Variants in CENPE observed in about 807,000 individuals in gnomAD.
CENPE encodes the protein centromere protein E.
Under a neutral mutation model 336.1 loss-of-function variants are expected in CENPE, and 145 were observed. That is an observed-to-expected ratio of 0.43 (90% CI 0.38 to 0.50). CENPE has a LOEUF of 0.50. Ranked by LOEUF, CENPE falls within the 20% of genes least tolerant of loss-of-function variation. The pLI is 0.00. For synonymous variants in CENPE, 1,013 were observed against 984.8 expected (o/e 1.03, Z -0.54); for missense variants, 2,719 against 3,023.3 (o/e 0.90, Z 2.36).
intron 5 of CENPE, 69 bp downstream of exon 5, chr4:103,195,045 G>T (rs761402460): frequency 7.3e-7 from 1 of 1,361,246 alleles, no homozygotes; most frequent in Non-Finnish European, 9.8e-7. Context: ...GAAATTAAAG[G>T]TAAACATTCA....
rs1754404762 is a variant in CENPE, at chr4:103,161,117, G to A, written c.2100C>T (p.Leu700=). Residue 700 remains leucine, a synonymous_variant, in exon 20 of 49, where the codon CTC becomes CTT. Transcript: ENST00000265148. ...GAACTTTGCCATCTATAAGGGAGGT[G>A]AGTTTTGTTATCTCATTAAAAGCAG... The part of the protein sequence containing the change: ...LQSAFNEITK[L]TSLIDGKVPK... 2.5e-6 allele frequency: 4 copies of A among 1,604,040 alleles called. No individual in the cohort carries two copies. Among genetic ancestry groups the A allele is most frequent in the African/African-American group, 1.3e-5 (1 of 74,390 alleles).
chr4:103,167,625 G>T (rs1755034689), intron 16 of CENPE, among the ~76,000 whole-genome samples: 1 of 152,186 alleles, frequency 6.6e-6, no homozygotes, highest in East Asian at 1.9e-4. Context: ...TTACAGACAA[G>T]TCTTTTTGTG....
intron 16 of CENPE, among the ~76,000 whole-genome samples, chr4:103,164,611 T>C (rs2125984357): frequency 6.6e-6 from 1 of 152,278 alleles, no homozygotes; most frequent in Non-Finnish European, 1.5e-5. Context: ...TTATTCAACC[T>C]AATATATCAA....
chr4:103,158,500 A>C, intron 23 of CENPE, 42 bp from the exon 24 acceptor site: 2 of 1,512,458 alleles, frequency 1.3e-6, no homozygotes, highest in Admixed American at 2.2e-5. Flanking sequence ...TTAGAATATG[A>C]AACAAAATTA....
chr4:103,159,189 T>C lies in CENPE; in HGVS notation c.2422A>G (p.Thr808Ala), dbSNP rs137915141. The change falls in exon 22 of 49, where the codon ACA becomes GCA. Residue 808 changes from threonine (T) to alanine (A), a missense_variant. By Grantham distance (58) the Thr-to-Ala change is moderately conservative (BLOSUM62 0). Transcript: ENST00000265148. ...TCAGTGCTTTTATAATTCGACTGTG[T>C]AGTTGCTAGGTCATCTTTTGTTTTC... The part of the protein sequence containing the change: ...IGKTKDDLAT[T>A]QSNYKSTDQE... 128 of 1,612,984 alleles carry C rather than the reference T, an allele frequency of 7.9e-5. No individual in the cohort carries two copies. In the African/African-American group the frequency reaches 1.5e-3, roughly 19 times the overall value.
In CENPE at chr4:103,174,611, A is replaced by G. The variant is rs143017059; in HGVS notation, c.1647+125T>C. The stretch of plus-strand genomic sequence containing the variant: ...AAACATCATACATCATGTTGTATAC[A>G]ATAAACACATAAAATGTTATCTGTA... On this transcript the variant is annotated intron_variant, in intron 16 of 48. Coordinates refer to ENST00000265148, the MANE Select transcript of CENPE (RefSeq NM_001813.3). The G allele has an allele frequency of 7.7e-4, 490 of 638,612 alleles. 3 individuals are homozygous for G. In the African/African-American group the frequency reaches 9.0e-3, roughly 12 times the overall value. The allele number at this position is 638,612 out of a possible 1,614,324, so 39.6% of individuals were successfully genotyped here.
At chr4:103,182,095 T>C (rs1385971162) in intron 11 of CENPE, 1 of 152,386 alleles carries the variant, frequency 6.6e-6, no homozygotes, top group Non-Finnish European at 1.5e-5. Flanking sequence ...TTTTTTTTTT[T>C]TGTTTTTTGT....
Position 103,174,869 on chromosome 4 carries a change from G to T in CENPE, c.1514C>A (p.Ala505Asp). The T allele has an allele frequency of 6.7e-7, 1 of 1,501,102 alleles. No individual in the cohort carries two copies. The highest frequency in any genetic ancestry group is 2.6e-5 in the East Asian group (1 of 38,512). The allele number at this position is 1,501,102 out of a possible 1,614,324, so 93.0% of individuals were successfully genotyped here. Residue 505 changes from alanine to aspartate, a missense_variant, in exon 16 of 49, where the codon GCT (alanine) becomes GAT (aspartate). Coordinates refer to ENST00000265148, the MANE Select transcript of CENPE (RefSeq NM_001813.3). ...GTCTAATACCAGATTATCATAGTCAGCACGAAGTGAGTTCAACTCACTTTC... is the reference window on the plus strand; with the variant it reads ...GTCTAATACCAGATTATCATAGTCATCACGAAGTGAGTTCAACTCACTTTC... ...NIESELNSLR[A>D]DYDNLVLDYE... is the part of the protein sequence containing the mutation.
intron 8 of CENPE, among the ~76,000 whole-genome samples, chr4:103,188,335 A>G (rs536331190): frequency 6.6e-6 from 1 of 152,234 alleles, no homozygotes; most frequent in Non-Finnish European, 1.5e-5. Flanking sequence ...AAATCAACAG[A>G]ATATACATTC....
chr4:103,125,866 CAAAAAAA>C (rs1314621341), intron 42 of CENPE, among the ~76,000 whole-genome samples: 45 of 48,046 alleles, frequency 9.4e-4, no homozygotes, highest in African/African-American at 3.2e-3. Context: ...GACTCCATCT[CAAAAAAA>C]AAAAAAAAAA....
At chr4:103,148,078 T>C (rs1753217351) in intron 28 of CENPE, among the ~76,000 whole-genome samples, 1 of 152,222 alleles carries the variant, frequency 6.6e-6, no homozygotes, top group Admixed American at 6.5e-5. Context: ...AGGCCTACCT[T>C]GGATCACAAA....
intron 12 of CENPE, 33 bp downstream of exon 12, chr4:103,181,302 CTT>C: frequency 7.1e-7 from 1 of 1,417,366 alleles, no homozygotes; most frequent in Non-Finnish European, 9.5e-7. Context: ...TAAATTGGTT[CTT>C]TCAATTTAAT....
intron 47 of CENPE, among the ~76,000 whole-genome samples, chr4:103,110,594 T>C (rs1377731073): frequency 6.6e-6 from 1 of 152,176 alleles, no homozygotes; most frequent in Non-Finnish European, 1.5e-5. Flanking sequence ...TCTTTGTTTC[T>C]TTCCTATTTC....
At chr4:103,116,039 C>T (rs2125851826) in intron 45 of CENPE, among the ~76,000 whole-genome samples, 1 of 152,232 alleles carries the variant, frequency 6.6e-6, no homozygotes, top group East Asian at 1.9e-4. Flanking sequence ...CCTTGACTCT[C>T]TTTAATGTTC....
At position 103,140,840 on chromosome 4, in the gene CENPE, C is replaced by G. The variant is rs1752493602; in HGVS notation, c.5728G>C (p.Glu1910Gln). 6.3e-7 allele frequency: 1 copy of G among 1,594,424 alleles called. No individual in the cohort carries two copies. The highest frequency in any genetic ancestry group is 1.2e-5 in the South Asian group (1 of 86,954). ...CTAGCTTTGGTTTCTTGCAGGCTTTCCTTGAGTTGGTCTCTCTCCAGTTTG... is the reference window on the plus strand; with the variant it reads ...CTAGCTTTGGTTTCTTGCAGGCTTTGCTTGAGTTGGTCTCTCTCCAGTTTG... ...TLKLERDQLK[E>Q]SLQETKARDL... Residue 1910 changes from glutamate to glutamine, a missense_variant, in exon 36 of 49, where the codon GAA becomes CAA. By Grantham distance (29) the Glu-to-Gln change is conservative. Coordinates refer to ENST00000265148, the MANE Select transcript of CENPE (RefSeq NM_001813.3).
chr4:103,154,280 T>C (rs2125953257), intron 24 of CENPE, among the ~76,000 whole-genome samples: 1 of 152,102 alleles, frequency 6.6e-6, no homozygotes, highest in Admixed American at 6.5e-5. Context: ...GTTTTTTCCA[T>C]TAAAGGTTTT....
At chr4:103,188,795 A>C (rs1263403000) in intron 8 of CENPE, among the ~76,000 whole-genome samples, 1 of 152,220 alleles carries the variant, frequency 6.6e-6, no homozygotes, top group Non-Finnish European at 1.5e-5. Flanking sequence ...CTAAGATCAG[A>C]GCAGAACTGA....
At chr4:103,191,169 A>C (rs1443496225) in intron 8 of CENPE, among the ~76,000 whole-genome samples, 1 of 152,196 alleles carries the variant, frequency 6.6e-6, no homozygotes, top group East Asian at 1.9e-4. Context: ...GAGGATGTGG[A>C]GAAATAGGAA....
intron 15 of CENPE, 111 bp from the exon 16 acceptor site, chr4:103,175,014 C>A: frequency 1.6e-6 from 1 of 641,672 alleles, no homozygotes; most frequent in Non-Finnish European, 2.4e-6. Flanking sequence ...TGATATCTTT[C>A]TAAAGTTCTA....
Sources: gnomAD v4.1 joint callset for allele counts (sites outside exome capture counted in the v4.1 genomes callset) on GRCh38, gnomAD v4.1.1 for gene constraint, MANE v1.5 for transcripts, NCBI Gene and HGNC (gene_info 2026-07-23, HGNC 2026-07-21) for gene names.